DOP1B: variants seen among roughly 807,000 people sequenced by gnomAD.
The protein encoded by DOP1B is DOP1 leucine zipper like protein B.
A neutral mutation model predicts 233.5 loss-of-function variants in DOP1B; 174 were observed. The observed-to-expected ratio is 0.75, with a 90% CI of 0.66 to 0.85. DOP1B has a LOEUF of 0.85. Among genes scored for constraint, DOP1B ranks in the 40% least tolerant of loss-of-function variants. DOP1B has a pLI of 0.00. For synonymous variants in DOP1B, 1,190 were observed against 1,185.6 expected (o/e 1.00, Z -0.08); for missense variants, 2,652 against 2,846.6 (o/e 0.93, Z 1.56).
At chr21:36,201,539 G>A (rs142760848) in intron 4 of DOP1B, among the ~76,000 whole-genome samples, 86 of 151,584 alleles carry the variant, frequency 5.7e-4, no homozygotes, top group African/African-American at 1.8e-3. Context: ...GTAGAGATGG[G>A]GTTTCCCTCT....
At chr21:36,247,655 A>T (rs747615929) in intron 20 of DOP1B, 27 bp downstream of exon 20, 9 of 1,508,812 alleles carry the variant, frequency 6.0e-6, no homozygotes, top group Non-Finnish European at 8.2e-6. Flanking sequence ...CCTGAGTTCA[A>T]GGCAATTTTC....
At chr21:36,231,508 G>T (rs1003996148) in intron 14 of DOP1B, among the ~76,000 whole-genome samples, 10 of 152,050 alleles carry the variant, frequency 6.6e-5, no homozygotes, top group African/African-American at 2.2e-4. Flanking sequence ...GTACATTTTT[G>T]ACTTGTGTCT....
chr21:36,280,447 G>T (rs2067402705), intron 31 of DOP1B, 101 bp downstream of exon 31: 1 of 786,292 alleles, frequency 1.3e-6, no homozygotes, highest in South Asian at 1.7e-5. Flanking sequence ...ACACTTTCAT[G>T]GTGCTGTCTA....
chr21:36,257,948 T>TGTAGGTAGATGTAGGTAG (rs1205070845), intron 23 of DOP1B, among the ~76,000 whole-genome samples: 45 of 103,570 alleles, frequency 4.3e-4, no homozygotes, highest in South Asian at 3.3e-3. Flanking sequence ...GGGAGATAGA[T>TGTAGGTAGATGTAGGTAG]GTAGGTAGAT....
intron 7 of DOP1B, 30 bp from the exon 8 acceptor site, chr21:36,214,051 C>G (rs765820822): frequency 6.5e-7 from 1 of 1,541,684 alleles, no homozygotes; most frequent in Non-Finnish European, 8.9e-7. Context: ...GCACAGCTCT[C>G]TTTACAGCTC....
intron 4 of DOP1B, among the ~76,000 whole-genome samples, chr21:36,207,927 C>T (rs1341093594): frequency 6.6e-6 from 1 of 152,216 alleles, no homozygotes; most frequent in Non-Finnish European, 1.5e-5. Flanking sequence ...CACCACCGAA[C>T]AGACATGGGC....
rs2067416013 is a variant in DOP1B, at chr21:36,281,533, A to G, written c.6082A>G (p.Met2028Val). Residue 2028 changes from methionine (M) to valine (V), a missense_variant, in exon 32 of 37, where the codon ATG becomes GTG. Physicochemically the swap from Met to Val is conservative, Grantham distance 21. Coordinates refer to ENST00000691173, the MANE Select transcript of DOP1B (RefSeq NM_001320714.2). ...ATTCTCAAGTTTTGAACAGAAAGCCATGCTGTTAAAGCGCCAGGCTTTTGC... is the reference window on the plus strand; with the variant it reads ...ATTCTCAAGTTTTGAACAGAAAGCCGTGCTGTTAAAGCGCCAGGCTTTTGC... ...KLFSSFEQKA[M>V]LLKRQAFAVF... The G allele has an allele frequency of 1.2e-6, 2 of 1,610,258 alleles. No individual in the cohort carries two copies. Among genetic ancestry groups the G allele is most frequent in the Admixed American group, 1.7e-5 (1 of 59,936 alleles).
intron 26 of DOP1B, among the ~76,000 whole-genome samples, chr21:36,269,086 C>T (rs2067259632): frequency 6.6e-6 from 1 of 152,212 alleles, no homozygotes; most frequent in Admixed American, 6.5e-5. Flanking sequence ...ACTGTAAGTG[C>T]AAAACACACA....
At position 36,188,706 on chromosome 21, in the gene DOP1B, G is replaced by A. The variant is rs993616713; in HGVS notation, c.139-10364G>A. ...AATGCAACTCCTCGTTTGCTTGGTGGGAGACGTGCTTTTAAATTGGCTGAC... is the reference window on the plus strand; with the variant it reads ...AATGCAACTCCTCGTTTGCTTGGTGAGAGACGTGCTTTTAAATTGGCTGAC... On this transcript the variant is annotated intron_variant, in intron 2 of 36. Coordinates refer to ENST00000691173, the MANE Select transcript of DOP1B (RefSeq NM_001320714.2). Among the ~76,000 whole-genome samples the A allele has an allele frequency of 9.2e-5, 14 of 152,176 alleles. 1 individual carries two copies. The highest frequency in any genetic ancestry group is 3.1e-4 in the African/African-American group (13 of 41,440).
At chr21:36,167,940 C>CTT (rs869190433) in intron 2 of DOP1B, among the ~76,000 whole-genome samples, 4 of 40,010 alleles carry the variant, frequency 1.0e-4, no homozygotes, top group South Asian at 1.1e-3. Flanking sequence ...TTTTCTTTTT[C>CTT]TTTTTTTTTT....
At chr21:36,254,343 A>G (rs1040104363) in intron 23 of DOP1B, among the ~76,000 whole-genome samples, 5 of 152,034 alleles carry the variant, frequency 3.3e-5, no homozygotes, top group Non-Finnish European at 5.9e-5. Context: ...GGTAAGGGAA[A>G]GTGTTGGGTT....
intron 2 of DOP1B, among the ~76,000 whole-genome samples, chr21:36,182,531 T>C (rs1452859686): frequency 1.3e-5 from 2 of 151,982 alleles, no homozygotes; most frequent in Non-Finnish European, 2.9e-5. Flanking sequence ...CAGGGAAAGA[T>C]AGGTTAAGAG....
Position 36,246,677 on chromosome 21 carries a change from G to A in DOP1B, c.4697G>A (p.Ser1566Asn), listed in dbSNP as rs1417743750. The A allele has an allele frequency of 6.2e-6, 10 of 1,606,406 alleles. No homozygotes were observed. The highest frequency in any genetic ancestry group is 8.5e-6 in the Non-Finnish European group (10 of 1,174,142). The change falls in exon 19 of 37, where the codon AGC becomes AAC. Residue 1566 changes from serine (S) to asparagine (N), a missense_variant and splice_region_variant. Coordinates refer to ENST00000691173, the MANE Select transcript of DOP1B (RefSeq NM_001320714.2). This position sits in a 1 kb window ranked among gnomAD's most constrained non-coding sequence, Gnocchi z 5.1. ...AGCGAATCTGTGAAGCTCTCTGTCAGGTGCGTTACGCTCCTTGTGACATCT... is the reference window on the plus strand; with the variant it reads ...AGCGAATCTGTGAAGCTCTCTGTCAAGTGCGTTACGCTCCTTGTGACATCT... The part of the protein sequence containing the change: ...YESESVKLSV[S>N]TTSKRENISP...
chr21:36,288,707 G>A, intron 33 of DOP1B, 49 bp from the exon 34 acceptor site: 1 of 1,350,460 alleles, frequency 7.4e-7, no homozygotes, highest in Non-Finnish European at 1.0e-6. Context: ...AAATATTTGG[G>A]TAGATTTAAT....
At position 36,245,727 on chromosome 21, in the gene DOP1B, T is replaced by A; in HGVS notation, c.3747T>A (p.Ala1249=). Residue 1249 remains alanine, a synonymous_variant, in exon 19 of 37, where the codon GCT becomes GCA. Coordinates refer to ENST00000691173, the MANE Select transcript of DOP1B (RefSeq NM_001320714.2). This position sits in a 1 kb window ranked among gnomAD's most constrained non-coding sequence, Gnocchi z 5.5. ...TCTATGCCTTCTCGGTGCTGGAGGC[T>A]GTGCTCAAAACCAACCCTAAGGAAT... ...RVLYAFSVLE[A]VLKTNPKEFI... The A allele has an allele frequency of 6.2e-7, 1 of 1,613,750 alleles. No individual in the cohort carries two copies. The highest frequency in any genetic ancestry group is 8.5e-7 in the Non-Finnish European group (1 of 1,179,966).
intron 27 of DOP1B, among the ~76,000 whole-genome samples, chr21:36,271,564 G>A (rs1045376902): frequency 2.0e-5 from 3 of 152,012 alleles, no homozygotes; most frequent in African/African-American, 7.3e-5. Flanking sequence ...GAGCCTCTGC[G>A]CCCGGCCCAG....
At chr21:36,281,696 C>G in intron 32 of DOP1B, 85 bp downstream of exon 32, 1 of 1,281,804 alleles carries the variant, frequency 7.8e-7, no homozygotes. Context: ...AATTTATTGC[C>G]TCACAGTTCT....
At chr21:36,252,702 C>T (rs995463400) in intron 22 of DOP1B, among the ~76,000 whole-genome samples, 12 of 152,054 alleles carry the variant, frequency 7.9e-5, no homozygotes, top group Admixed American at 5.9e-4. Context: ...TTAGTAAAGA[C>T]GGTTTCACCA....
At chr21:36,233,931 G>A (rs2066796444) in intron 15 of DOP1B, among the ~76,000 whole-genome samples, 1 of 152,068 alleles carries the variant, frequency 6.6e-6, no homozygotes, top group Admixed American at 6.5e-5. Flanking sequence ...TCGGCTCACT[G>A]CAACCTCTGC....
Sources: allele counts gnomAD v4.1 joint callset (sites outside exome capture counted in the v4.1 genomes callset), GRCh38; gene constraint gnomAD v4.1.1; non-coding constraint Gnocchi (gnomAD v3.1); transcripts MANE v1.5; gene names NCBI Gene and HGNC (gene_info 2026-07-23, HGNC 2026-07-21).